SEPHS1: variants seen among roughly 807,000 people sequenced by gnomAD.
SEPHS1 encodes zincore component SEPHS1.
In SEPHS1, 7 loss-of-function variants were observed where a neutral mutation model predicts 39.2. The ratio of observed to expected loss-of-function variants is 0.18; its 90% CI spans 0.10 to 0.34. The LOEUF (loss-of-function observed/expected upper bound fraction) is 0.34. Among genes scored for constraint, SEPHS1 ranks in the 10% least tolerant of loss-of-function variants. SEPHS1 has a pLI of 1.00. For synonymous variants in SEPHS1, 190 were observed against 195.5 expected, an observed-to-expected ratio of 0.97 and a Z score of 0.23; for missense variants, 253 against 514.5, an observed-to-expected ratio of 0.49 and a Z score of 4.92.
In SEPHS1 at chr10:13,344,895, C is replaced by G; in HGVS notation, c.56G>C (p.Arg19Pro). The change falls in exon 2 of 9, where the codon CGG becomes CCG. Residue 19 changes from arginine (R) to proline (P), a missense_variant. This residue lies in a region of SEPHS1 where 123 missense variants were observed against 196.8 expected (regional missense o/e 0.62). Transcript: ENST00000327347. ...PESYELDKSFRLTRFTELKGT... is the reference protein window; with the variant it reads ...PESYELDKSFPLTRFTELKGT... ...CTTCAGTTCAGTGAATCTGGTTAGC[C>G]GGAAGCTTTTGTCCAATTCGTAACT... 1 of 1,603,782 alleles carries G rather than the reference C, an allele frequency of 6.2e-7. No individual in the cohort carries two copies. The highest frequency in any genetic ancestry group is 8.5e-7 in the Non-Finnish European group (1 of 1,174,916).
chr10:13,344,885 T>A lies in SEPHS1; in HGVS notation c.66A>T (p.Arg22Ser). ...AGCCTGTGCCCTTCAGTTCAGTGAA[T>A]CTGGTTAGCCGGAAGCTTTTGTCCA... The part of the protein sequence containing the change: ...YELDKSFRLT[R>S]FTELKGTGCK... Residue 22 changes from arginine to serine, a missense_variant, in exon 2 of 9, where the codon AGA (arginine) becomes AGT (serine). Coordinates refer to ENST00000327347, the MANE Select transcript of SEPHS1 (RefSeq NM_012247.5). 6.2e-7 allele frequency: 1 copy of A among 1,606,420 alleles called. No homozygotes were observed. Among genetic ancestry groups the A allele is most frequent in the Non-Finnish European group, 8.5e-7 (1 of 1,176,276 alleles).
At chr10:13,340,094 C>T (rs974494134) in intron 2 of SEPHS1, among the ~76,000 whole-genome samples, 10 of 152,086 alleles carry the variant, frequency 6.6e-5, no homozygotes, top group Non-Finnish European at 1.2e-4. Flanking sequence ...CTAAAACGAC[C>T]TTTAATATTC....
rs373373331 is a variant in SEPHS1 at position 13,333,766 on chromosome 10, G to C, written c.560+51C>G. 2.0e-5 allele frequency: 32 copies of C among 1,579,834 alleles called. No homozygotes were observed. The African/African-American group carries it at 3.7e-4, about 18-fold the overall frequency. On this transcript the variant is annotated intron_variant, in intron 5 of 8. Coordinates refer to ENST00000327347, the MANE Select transcript of SEPHS1 (RefSeq NM_012247.5). ...TAATACATCAATTTTTAAAAAGAGAGGACAGAGAGAGAAAAACAGGTCAGG... is the reference window on the plus strand; with the variant it reads ...TAATACATCAATTTTTAAAAAGAGACGACAGAGAGAGAAAAACAGGTCAGG...
chr10:13,338,667 G>A (rs1017223247), intron 3 of SEPHS1, 38 bp downstream of exon 3: 2 of 1,504,468 alleles, frequency 1.3e-6, no homozygotes, highest in South Asian at 1.1e-5. Context: ...AAACAAATAA[G>A]CCCTTCCAGT....
At chr10:13,329,549 T>C (rs1411329376) in intron 6 of SEPHS1, 149 bp downstream of exon 6, 2 of 582,312 alleles carry the variant, frequency 3.4e-6, no homozygotes, top group African/African-American at 1.9e-5. Flanking sequence ...TTAAAGACTA[T>C]GAACAATTCC....
At chr10:13,342,266 C>CAA (rs139606622) in intron 2 of SEPHS1, among the ~76,000 whole-genome samples, 1 of 133,078 alleles carries the variant, frequency 7.5e-6, no homozygotes. Context: ...GACTCCGTCT[C>CAA]AAAAAAAAAA....
chr10:13,328,218 C>G (rs1001533479), intron 7 of SEPHS1, 133 bp downstream of exon 7: 1 of 614,128 alleles, frequency 1.6e-6, no homozygotes, highest in African/African-American at 1.9e-5. Context: ...CAACCTGGTA[C>G]CAGGAGAAGA....
At chr10:13,347,032 T>TG (rs1833942234) in intron 1 of SEPHS1, among the ~76,000 whole-genome samples, 1 of 152,024 alleles carries the variant, frequency 6.6e-6, no homozygotes, top group Non-Finnish European at 1.5e-5. Context: ...CTGGGGGAAA[T>TG]GTGCAGTGAT....
At chr10:13,336,879 G>T (rs1416090273) in intron 3 of SEPHS1, among the ~76,000 whole-genome samples, 1 of 152,238 alleles carries the variant, frequency 6.6e-6, no homozygotes. Context: ...GGCTGGGTGT[G>T]ATAGCTCACG....
In SEPHS1 at chr10:13,318,299, CACAGA is replaced by C. The variant is rs1289206560; in HGVS notation, c.*838_*842del. 2.6e-5 allele frequency: 4 copies of C among 152,536 alleles called. No homozygotes were observed. Among genetic ancestry groups the C allele is most frequent in the Non-Finnish European group, 5.9e-5 (4 of 68,020 alleles). The allele number at this position is 152,536 out of a possible 1,614,324, so 9.4% of individuals were successfully genotyped here. A position where few individuals can be genotyped will look rare whatever the true frequency, so the allele number is the denominator to read the frequency against. ...AGAAAATGTATTAAACACTACCATCCACAGAACAGTCTTTACTATTGATTATATTT... is the reference window on the plus strand; with the variant it reads ...AGAAAATGTATTAAACACTACCATCCACAGTCTTTACTATTGATTATATTT... On this transcript the variant is annotated 3_prime_UTR_variant, in exon 9 of 9. Coordinates refer to ENST00000327347, the MANE Select transcript of SEPHS1 (RefSeq NM_012247.5).
intron 2 of SEPHS1, among the ~76,000 whole-genome samples, chr10:13,341,585 A>G (rs1210954344): frequency 6.6e-6 from 1 of 152,188 alleles, no homozygotes; most frequent in African/African-American, 2.4e-5. Flanking sequence ...GTGTACATTT[A>G]AAAGCTGTTT....
chr10:13,319,435 C>A, intron 8 of SEPHS1, 79 bp from the exon 9 acceptor site: 2 of 1,406,766 alleles, frequency 1.4e-6, no homozygotes, highest in Non-Finnish European at 2.0e-6. Flanking sequence ...TGCAGAGATC[C>A]AACTTCCATC....
rs776217380 is a variant in SEPHS1 at position 13,338,719 on chromosome 10, C to A, written c.283G>T (p.Asp95Tyr). Residue 95 changes from aspartate (D) to tyrosine (Y), a missense_variant, in exon 3 of 9, where the codon GAC (aspartate) becomes TAC (tyrosine). Transcript: ENST00000327347. Reference protein sequence around the residue: ...TTDYIYPIVDDPYMMGRIACA... With the variant: ...TTDYIYPIVDYPYMMGRIACA... ...CTCACGCTTACCATCATGTAAGGGT[C>A]GTCTACGATCGGGTAAATGTAATCT... 6.2e-7 allele frequency: 1 copy of A among 1,613,598 alleles called. No individual in the cohort carries two copies. Among genetic ancestry groups the A allele is most frequent in the Non-Finnish European group, 8.5e-7 (1 of 1,179,594 alleles).
At position 13,348,025 on chromosome 10, in the gene SEPHS1, C is replaced by T. The variant is rs1833987256; in HGVS notation, c.-104G>A. On this transcript the variant is annotated 5_prime_UTR_variant, in exon 1 of 9. Coordinates refer to ENST00000327347, the MANE Select transcript of SEPHS1 (RefSeq NM_012247.5). ...CGGCTCGCTTTGCGCCCTCCGCCTC[C>T]TCCCGAAAACGGGCCGCGGGCCGCT... 1 of 149,006 alleles carries T rather than the reference C, an allele frequency of 6.7e-6. No individual in the cohort carries two copies. Among genetic ancestry groups the T allele is most frequent in the South Asian group, 2.1e-4 (1 of 4,798 alleles). 9.2% of individuals were successfully genotyped at this position (149,006 alleles called of 1,614,324 possible). A position where few individuals can be genotyped will look rare whatever the true frequency, so the allele number is the denominator to read the frequency against.
intron 2 of SEPHS1, among the ~76,000 whole-genome samples, chr10:13,339,842 A>AT (rs1833737892): frequency 6.6e-6 from 1 of 152,222 alleles, no homozygotes; most frequent in African/African-American, 2.4e-5. Flanking sequence ...GACAAAAAAA[A>AT]GTCTGTGCAT....
At chr10:13,320,439 C>T (rs1833074949) in intron 8 of SEPHS1, among the ~76,000 whole-genome samples, 1 of 151,902 alleles carries the variant, frequency 6.6e-6, no homozygotes, top group Admixed American at 6.5e-5. Flanking sequence ...CCTTGGCCTC[C>T]CAAAGTGCTG....
chr10:13,347,553 G>A (rs1171667103), intron 1 of SEPHS1, among the ~76,000 whole-genome samples: 3 of 146,892 alleles, frequency 2.0e-5, no homozygotes, highest in African/African-American at 4.9e-5. Context: ...CGGGGAGGAC[G>A]CCGGGACGCA....
intron 4 of SEPHS1, among the ~76,000 whole-genome samples, chr10:13,334,543 A>G (rs1833567272): frequency 2.6e-5 from 4 of 152,016 alleles, no homozygotes; most frequent in Admixed American, 2.0e-4. Context: ...CTTCATCTCA[A>G]AAACAAAAAA....
At chr10:13,338,882 G>T in intron 2 of SEPHS1, 74 bp from the exon 3 acceptor site, 2 of 1,059,878 alleles carry the variant, frequency 1.9e-6, no homozygotes, top group South Asian at 1.3e-5. Flanking sequence ...CCAGTGCTCT[G>T]AACAGGAAGA....
Sources: gnomAD v4.1 joint callset for allele counts (sites outside exome capture counted in the v4.1 genomes callset) on GRCh38, gnomAD v4.1.1 for gene constraint, gnomAD v4.1.1 regional missense constraint, MANE v1.5 for transcripts, NCBI Gene and HGNC (gene_info 2026-07-23, HGNC 2026-07-21) for gene names.